The following HSD17B12 variants were observed in gnomAD, a reference collection of about 807,000 sequenced individuals.
The protein encoded by HSD17B12 is hydroxysteroid 17-beta dehydrogenase 12.
HSD17B12 carries 32 observed loss-of-function variants against 39.3 expected under a neutral mutation model. The ratio of observed to expected loss-of-function variants is 0.81; its 90% CI spans 0.61 to 1.09. The LOEUF (loss-of-function observed/expected upper bound fraction) is 1.09, where lower values mean the gene tolerates loss of function less well. HSD17B12 is among the 50% of genes least tolerant of loss of function. HSD17B12 has a pLI of 0.00. For missense variants in HSD17B12, 342 were observed against 382.9 expected, an observed-to-expected ratio of 0.89 and a Z score of 0.89; for synonymous variants, 150 against 146.7, an observed-to-expected ratio of 1.02 and a Z score of -0.16.
chr11:43,817,040 CTATA>C lies in HSD17B12; in HGVS notation c.501+665_501+668del, dbSNP rs368591679. Among the ~76,000 whole-genome samples the C allele has an allele frequency of 3.0e-3, 64 of 21,510 alleles. 1 individual carries two copies. The highest frequency in any genetic ancestry group is 8.4e-3 in the Non-Finnish European group (48 of 5,734). 14.1% of individuals were successfully genotyped at this position (21,510 alleles called of 152,430 possible). ...TCTATATCTATATCTATATCTATATCTATATATATATATATATATCTCGTGGTTT... is the reference window on the plus strand; with the variant it reads ...TCTATATCTATATCTATATCTATATCTATATATATATATATCTCGTGGTTT... On this transcript the variant is annotated intron_variant, in intron 6 of 10. Transcript: ENST00000278353.
At chr11:43,586,008 T>G in the HSD17B12 span, among the ~76,000 whole-genome samples, 2 of 152,212 alleles carry the variant, frequency 1.3e-5, no homozygotes, top group Non-Finnish European at 2.9e-5. Context: ...CTCTTCATTT[T>G]ATAAATCAAA....
chr11:43,645,641 G>A, the HSD17B12 span: 1 of 152,192 alleles, frequency 6.6e-6, no homozygotes. Flanking sequence ...GTCTTGTGAT[G>A]AATGAGGTTT....
intron 3 of HSD17B12, among the ~76,000 whole-genome samples, chr11:43,768,898 A>G (rs957500501): frequency 1.1e-4 from 16 of 152,260 alleles, no homozygotes; most frequent in Middle Eastern, 3.4e-3. Flanking sequence ...TTTTTACAGA[A>G]TGCTGATTGG....
rs145549263 is a variant in HSD17B12 at position 43,823,373 on chromosome 11, C to T, written c.501+6982C>T. On this transcript the variant is annotated intron_variant, in intron 6 of 10. Coordinates refer to ENST00000278353, the MANE Select transcript of HSD17B12 (RefSeq NM_016142.3). ...GTAACGTCAAACTACTGGGCTCAAG[C>T]GATCCTCCTGCCTTAGCCTCCTGAG... Among the ~76,000 whole-genome samples the T allele has an allele frequency of 2.8e-3, 419 of 152,230 alleles. 3 individuals are homozygous for T. The highest frequency in any genetic ancestry group is 9.6e-3 in the African/African-American group (398 of 41,532).
At chr11:43,817,887 G>A (rs1023391019) in intron 6 of HSD17B12, among the ~76,000 whole-genome samples, 6 of 151,906 alleles carry the variant, frequency 3.9e-5, no homozygotes, top group Admixed American at 6.6e-5. Context: ...GAAGAATGGC[G>A]GTGGTATTTT....
At chr11:43,573,241 C>T in the HSD17B12 span, among the ~76,000 whole-genome samples, 3 of 152,318 alleles carry the variant, frequency 2.0e-5, no homozygotes, top group African/African-American at 7.2e-5. Flanking sequence ...TTGGGCACCA[C>T]AGCCCTTAGT....
At chr11:43,695,225 AT>A (rs1949899561) in intron 1 of HSD17B12, among the ~76,000 whole-genome samples, 1 of 152,162 alleles carries the variant, frequency 6.6e-6, no homozygotes, top group Admixed American at 6.5e-5. Context: ...TATCTTCTGA[AT>A]ACCAGGGCTT....
chr11:43,578,974 G>A, the HSD17B12 span: 1 of 152,080 alleles, frequency 6.6e-6, no homozygotes, highest in Non-Finnish European at 1.5e-5. Context: ...TGCAAAAAGT[G>A]AGTAATGCGC....
intron 6 of HSD17B12, among the ~76,000 whole-genome samples, chr11:43,817,601 G>A (rs912456124): frequency 6.6e-6 from 1 of 152,014 alleles, no homozygotes; most frequent in Admixed American, 6.6e-5. Flanking sequence ...TGTTGAATAG[G>A]GTGTCCTTTC....
chr11:43,568,382 C>T, the HSD17B12 span, among the ~76,000 whole-genome samples: 2 of 152,162 alleles, frequency 1.3e-5, no homozygotes, highest in African/African-American at 2.4e-5. Flanking sequence ...GGATTACAGG[C>T]GTGAGCCACT....
At chr11:43,764,110 C>A (rs1950576736) in intron 3 of HSD17B12, among the ~76,000 whole-genome samples, 1 of 151,976 alleles carries the variant, frequency 6.6e-6, no homozygotes, top group African/African-American at 2.4e-5. Context: ...AGTTATCAAA[C>A]CAGTTTTAAT....
chr11:43,661,525 G>T, the HSD17B12 span, among the ~76,000 whole-genome samples: 6 of 152,246 alleles, frequency 3.9e-5, no homozygotes, highest in East Asian at 1.2e-3. Flanking sequence ...AAGAATTAGA[G>T]ATGTGAGCCG....
the HSD17B12 span, among the ~76,000 whole-genome samples, chr11:43,586,290 C>G: frequency 6.6e-6 from 1 of 152,196 alleles, no homozygotes; most frequent in African/African-American, 2.4e-5. Context: ...AGGTATGGCT[C>G]TCATCTCTTG....
chr11:43,788,137 T>C (rs1396431121), intron 3 of HSD17B12, among the ~76,000 whole-genome samples: 5 of 136,798 alleles, frequency 3.7e-5, no homozygotes, highest in Non-Finnish European at 6.6e-5. Flanking sequence ...AGAATATCTC[T>C]TTTTGCTTTC....
At chr11:43,638,540 T>C in the HSD17B12 span, among the ~76,000 whole-genome samples, 2 of 152,166 alleles carry the variant, frequency 1.3e-5, no homozygotes, top group Admixed American at 1.3e-4. Flanking sequence ...AGAAAACTCT[T>C]ATTTTATTAT....
chr11:43,719,053 C>G, intron 1 of HSD17B12: 1 of 806,758 alleles, frequency 1.2e-6, no homozygotes, highest in East Asian at 2.4e-5. Context: ...AGGTCAACAC[C>G]CTGATTCAGC....
At chr11:43,657,233 T>C in the HSD17B12 span, among the ~76,000 whole-genome samples, 3 of 152,250 alleles carry the variant, frequency 2.0e-5, no homozygotes, top group South Asian at 6.2e-4. Flanking sequence ...CCCCTGCCTT[T>C]TTTTGTTTTC....
chr11:43,799,370 T>TTGTATTTTTTTTTCTAAGTCTTATACCC (rs1950944369), intron 4 of HSD17B12, among the ~76,000 whole-genome samples: 1 of 152,190 alleles, frequency 6.6e-6, no homozygotes, highest in Non-Finnish European at 1.5e-5. Context: ...GGGTTCAGTC[T>TTGTATTTTTTTTTCTAAGTCTTATACCC]TGTATTTTTT....
intron 3 of HSD17B12, among the ~76,000 whole-genome samples, chr11:43,767,619 A>G (rs1437516511): frequency 6.6e-6 from 1 of 152,230 alleles, no homozygotes; most frequent in Non-Finnish European, 1.5e-5. Context: ...CTACAAACCA[A>G]TTAGGTAATT....
Sources: gnomAD v4.1 joint callset for allele counts (sites outside exome capture counted in the v4.1 genomes callset) on GRCh38, gnomAD v4.1.1 for gene constraint, MANE v1.5 for transcripts, NCBI Gene and HGNC (gene_info 2026-07-23, HGNC 2026-07-21) for gene names.